Variants in TTLL9 observed in about 807,000 individuals in gnomAD.
The protein encoded by TTLL9 is tubulin tyrosine ligase like 9.
Under a neutral mutation model 65.6 loss-of-function variants are expected in TTLL9, and 47 were observed. The observed-to-expected ratio is 0.72, with a 90% CI of 0.57 to 0.91. The LOEUF (loss-of-function observed/expected upper bound fraction) is 0.91. Ranked by LOEUF, TTLL9 falls within the 40% of genes least tolerant of loss-of-function variation. The probability of loss-of-function intolerance (pLI) is 0.00; values close to 1 mark genes in which losing one functional copy is unlikely to be tolerated. For missense variants in TTLL9, 537 were observed against 568.8 expected (o/e 0.94, Z 0.57); for synonymous variants, 179 against 204.8 (o/e 0.87, Z 1.07).
At position 31,871,112 on chromosome 20, in the gene TTLL9, C is replaced by T. The variant is rs1483905234; in HGVS notation, c.-5-10C>T. The T allele has an allele frequency of 1.9e-6, 3 of 1,613,316 alleles. No individual in the cohort carries two copies. The highest frequency in any genetic ancestry group is 2.2e-5 in the East Asian group (1 of 44,890). On this transcript the variant is annotated splice_polypyrimidine_tract_variant and intron_variant, in intron 1 of 14. Coordinates refer to ENST00000535842, the MANE Select transcript of TTLL9 (RefSeq NM_001008409.5). ...TCTCACTCCTTCCTTCCATCCATTT[C>T]GGCCCCTAGGAGGGATGGTGCCATC...
rs776045086 is a variant in TTLL9 at position 31,934,853 on chromosome 20, C to T, written c.969C>T (p.Tyr323=). ...IISDKHCFEL[Y]GYDILIDQDL... ...GTGACAAGCACTGCTTCGAGCTGTA[C>T]GGCTATGACATCCTCATCGACCAGG... Residue 323 remains tyrosine (Y), a synonymous_variant, in exon 12 of 15, where the codon TAC becomes TAT. Transcript: ENST00000535842. 2.7e-5 allele frequency: 44 copies of T among 1,613,786 alleles called. No homozygotes were observed. Among genetic ancestry groups the T allele is most frequent in the Admixed American group, 1.8e-4 (11 of 59,986 alleles).
intron 11 of TTLL9, 81 bp downstream of exon 11, chr20:31,933,939 C>T: frequency 1.4e-6 from 2 of 1,425,050 alleles, no homozygotes; most frequent in Non-Finnish European, 1.9e-6. Context: ...TGGCAAGGAG[C>T]CCAGGACAGG....
intron 4 of TTLL9, among the ~76,000 whole-genome samples, chr20:31,905,353 G>A (rs1332764588): frequency 6.6e-6 from 1 of 152,030 alleles, no homozygotes; most frequent in African/African-American, 2.4e-5. Context: ...AGGATTACAC[G>A]CATAAGCCAC....
At chr20:31,889,972 CTCTTTCTTTCTTTCTT>C (rs758616240) in intron 3 of TTLL9, among the ~76,000 whole-genome samples, 3,798 of 113,852 alleles carry the variant, frequency 0.033, 127 homozygotes, top group African/African-American at 0.087. Flanking sequence ...CCACATCTCT[CTCTTTCTTTCTTTCTT>C]TCTTTCTTTC....
rs2064269971 is a variant in TTLL9 at position 31,943,953 on chromosome 20, C to A, written c.*932C>A. 2.5e-6 allele frequency: 1 copy of A among 404,462 alleles called. No homozygotes were observed. Among genetic ancestry groups the A allele is most frequent in the Admixed American group, 2.7e-5 (1 of 37,508 alleles). 25.1% of individuals were successfully genotyped at this position (404,462 alleles called of 1,614,324 possible). ...GTTGGGGTAACTGTTCCAGGGGGGA[C>A]TTACTCCCTCTACCACTCCGCCTGC... On this transcript the variant is annotated 3_prime_UTR_variant, in exon 15 of 15. Coordinates refer to ENST00000535842, the MANE Select transcript of TTLL9 (RefSeq NM_001008409.5).
intron 14 of TTLL9, among the ~76,000 whole-genome samples, chr20:31,942,557 T>C (rs1449798920): frequency 6.6e-6 from 1 of 152,214 alleles, no homozygotes; most frequent in Non-Finnish European, 1.5e-5. Context: ...AGTGTGGCTC[T>C]GGCACCAGGT....
Position 31,887,252 on chromosome 20 carries a change from A to C in TTLL9, c.113+13A>C, listed in dbSNP as rs1390956540. The C allele has an allele frequency of 6.2e-7, 1 of 1,614,180 alleles. No individual in the cohort carries two copies. Among genetic ancestry groups the C allele is most frequent in the Admixed American group, 1.7e-5 (1 of 60,032 alleles). ...AGGGAAAAGAGCGGTGAGTGGTCCCATCCAATCCAACAATCACAGCGCAAC... is the reference window on the plus strand; with the variant it reads ...AGGGAAAAGAGCGGTGAGTGGTCCCCTCCAATCCAACAATCACAGCGCAAC... On this transcript the variant is annotated intron_variant, in intron 3 of 14. Coordinates refer to ENST00000535842, the MANE Select transcript of TTLL9 (RefSeq NM_001008409.5).
intron 4 of TTLL9, among the ~76,000 whole-genome samples, chr20:31,900,247 A>G (rs906580530): frequency 6.6e-6 from 1 of 152,220 alleles, no homozygotes; most frequent in Non-Finnish European, 1.5e-5. Flanking sequence ...AACATTTCGC[A>G]TGCATGATCT....
rs563921905 is a variant in TTLL9, at chr20:31,943,378, A to G, written c.*357A>G. 2 of 347,616 alleles carry G rather than the reference A, an allele frequency of 5.8e-6. No homozygotes were observed. Among genetic ancestry groups the G allele is most frequent in the East Asian group, 1.4e-4 (2 of 14,768 alleles). The allele number at this position is 347,616 out of a possible 1,614,324, so 21.5% of individuals were successfully genotyped here. A position where few individuals can be genotyped will look rare whatever the true frequency, so the allele number is the denominator to read the frequency against. On this transcript the variant is annotated 3_prime_UTR_variant, in exon 15 of 15. Coordinates refer to ENST00000535842, the MANE Select transcript of TTLL9 (RefSeq NM_001008409.5). ...GCCCTACTTGGAGTCACTGGGCACC[A>G]GGCCTGGTTCCGGGGATACTGTTGG...
chr20:31,878,716 G>A (rs1200834915), intron 2 of TTLL9, among the ~76,000 whole-genome samples: 6 of 152,084 alleles, frequency 3.9e-5, no homozygotes, highest in Non-Finnish European at 7.4e-5. Flanking sequence ...TCCTACCAAT[G>A]AATTCCATTT....
At chr20:31,905,762 G>A (rs1415788401) in intron 4 of TTLL9, among the ~76,000 whole-genome samples, 2 of 152,126 alleles carry the variant, frequency 1.3e-5, no homozygotes, top group East Asian at 1.9e-4. Context: ...GGCCGGGCGC[G>A]GTGGCTCACG....
chr20:31,900,769 T>C lies in TTLL9; in HGVS notation c.206+2204T>C, dbSNP rs114035017. On this transcript the variant is annotated intron_variant, in intron 4 of 14. Transcript: ENST00000535842. ...AGTTGGGAGGAGAGTTAGAAGAGAG[T>C]GAGGTGACTAGCAGGTGGGGGTGGT... Among the ~76,000 whole-genome samples the C allele has an allele frequency of 6.6e-3, 997 of 151,786 alleles. 13 individuals are homozygous for C. The highest frequency in any genetic ancestry group is 0.023 in the African/African-American group (950 of 41,354).
At chr20:31,914,918 C>T (rs2063711351) in intron 6 of TTLL9, among the ~76,000 whole-genome samples, 1 of 152,182 alleles carries the variant, frequency 6.6e-6, no homozygotes, top group Non-Finnish European at 1.5e-5. Context: ...CTGTTGGAGG[C>T]CTGCAAGGTG....
intron 2 of TTLL9, among the ~76,000 whole-genome samples, chr20:31,883,822 A>G (rs948203659): frequency 6.6e-6 from 1 of 152,198 alleles, no homozygotes. Context: ...AGGAACCTAC[A>G]GCCAATATCA....
chr20:31,944,763 TG>T lies in TTLL9; in HGVS notation c.*1743del, dbSNP rs2123673394. On this transcript the variant is annotated 3_prime_UTR_variant, in exon 15 of 15. Coordinates refer to ENST00000535842, the MANE Select transcript of TTLL9 (RefSeq NM_001008409.5). ...CTGGCCATGACAGCCTGTGTTTCTA[TG>T]TAACTATGAGCCAGAGCCAAGGAGC... The T allele has an allele frequency of 6.6e-6, 1 of 152,336 alleles. No homozygotes were observed. Among genetic ancestry groups the T allele is most frequent in the South Asian group, 2.1e-4 (1 of 4,830 alleles). 9.4% of individuals were successfully genotyped at this position (152,336 alleles called of 1,614,324 possible). A position where few individuals can be genotyped will look rare whatever the true frequency, so the allele number is the denominator to read the frequency against.
At chr20:31,920,112 CTCAG>C (rs1423631756) in intron 7 of TTLL9, among the ~76,000 whole-genome samples, 180 bp downstream of exon 7, 1 of 152,188 alleles carries the variant, frequency 6.6e-6, no homozygotes, top group Non-Finnish European at 1.5e-5. Flanking sequence ...GATCTTGCCA[CTCAG>C]TCACTCAATA....
intron 2 of TTLL9, among the ~76,000 whole-genome samples, chr20:31,873,809 GAAGGAAGGAAGGAAGA>G (rs1396425360): frequency 2.3e-4 from 17 of 75,458 alleles, no homozygotes; most frequent in African/African-American, 7.5e-4. Flanking sequence ...AGGAAGGAAG[GAAGGAAGGAAGGAAGA>G]AAGAAAGAAA....
At chr20:31,880,408 C>T (rs1195152147) in intron 2 of TTLL9, among the ~76,000 whole-genome samples, 1 of 152,094 alleles carries the variant, frequency 6.6e-6, no homozygotes, top group Non-Finnish European at 1.5e-5. Context: ...GGGCACAGAC[C>T]AACTCTCCCA....
chr20:31,904,476 G>A (rs2063523306), intron 4 of TTLL9, among the ~76,000 whole-genome samples: 1 of 149,658 alleles, frequency 6.7e-6, no homozygotes, highest in South Asian at 2.1e-4. Flanking sequence ...TGCCACCTCG[G>A]CCCCCTGAGT....
Sources: allele counts gnomAD v4.1 joint callset (sites outside exome capture counted in the v4.1 genomes callset), GRCh38; gene constraint gnomAD v4.1.1; transcripts MANE v1.5; gene names NCBI Gene and HGNC (gene_info 2026-07-23, HGNC 2026-07-21).